The following DLGAP1 variants were observed in gnomAD, a reference collection of about 807,000 sequenced individuals.
The protein encoded by DLGAP1 is DLG associated protein 1, also known as disks large-associated protein 1.
Under a neutral mutation model 90.8 loss-of-function variants are expected in DLGAP1, and 11 were observed. That is an observed-to-expected ratio of 0.12 (90% CI 0.08 to 0.20). The LOEUF is 0.20. DLGAP1 is among the 10% of genes least tolerant of loss of function. The probability of loss-of-function intolerance (pLI) is 1.00; values close to 1 mark genes in which losing one functional copy is unlikely to be tolerated. For missense variants in DLGAP1, 1,050 were observed against 1,333.8 expected, an observed-to-expected ratio of 0.79 and a Z score of 3.31; for synonymous variants, 558 against 540.7, an observed-to-expected ratio of 1.03 and a Z score of -0.44.
At chr18:4,249,126 C>G (rs1204347260) in intron 1 of DLGAP1, among the ~76,000 whole-genome samples, 1 of 152,176 alleles carries the variant, frequency 6.6e-6, no homozygotes, top group Non-Finnish European at 1.5e-5. Context: ...CTCCATTGTA[C>G]TCCTCACCAT....
intron 1 of DLGAP1, among the ~76,000 whole-genome samples, chr18:4,160,526 T>G (rs534825369): frequency 8.5e-5 from 13 of 152,220 alleles, no homozygotes; most frequent in African/African-American, 1.2e-4. Context: ...AAATTCACAA[T>G]AAGCCTAATG....
At chr18:4,194,090 G>A (rs73371051) in intron 1 of DLGAP1, among the ~76,000 whole-genome samples, 8,646 of 152,040 alleles carry the variant, frequency 0.057, 588 homozygotes, top group East Asian at 0.2. Context: ...GAGGTTTGGG[G>A]TACAATTAAT....
chr18:4,363,136 T>C (rs1037757755), intron 1 of DLGAP1, among the ~76,000 whole-genome samples: 1 of 152,160 alleles, frequency 6.6e-6, no homozygotes, highest in African/African-American at 2.4e-5. Flanking sequence ...GTGGCCTTGA[T>C]AAGCTCCCCA....
chr18:3,509,699 C>G (rs535578345), intron 10 of DLGAP1, among the ~76,000 whole-genome samples: 1 of 152,150 alleles, frequency 6.6e-6, no homozygotes, highest in Non-Finnish European at 1.5e-5. Flanking sequence ...GCCAGGTACC[C>G]GAGTGGAATA....
intron 3 of DLGAP1, among the ~76,000 whole-genome samples, chr18:3,880,944 G>GAA (rs1173817359): frequency 0.011 from 432 of 38,334 alleles, 16 homozygotes; most frequent in African/African-American, 0.028. Flanking sequence ...CTCCATCTCA[G>GAA]AAAAAAAAAA....
chr18:3,616,329 T>C (rs1447635506), intron 7 of DLGAP1, among the ~76,000 whole-genome samples: 9 of 152,180 alleles, frequency 5.9e-5, no homozygotes, highest in African/African-American at 2.2e-4. Context: ...ACTCTATCAC[T>C]GTGGCACAGC....
At chr18:3,825,731 G>T (rs2067675915) in intron 4 of DLGAP1, among the ~76,000 whole-genome samples, 1 of 152,036 alleles carries the variant, frequency 6.6e-6, no homozygotes, top group African/African-American at 2.4e-5. Context: ...GTTCCTCAAA[G>T]AACTAAAAAT....
intron 1 of DLGAP1, among the ~76,000 whole-genome samples, chr18:4,188,623 T>C (rs2077340986): frequency 6.6e-6 from 1 of 152,188 alleles, no homozygotes; most frequent in Admixed American, 6.5e-5. Flanking sequence ...GCTTCATCCA[T>C]GTCCCCGCAA....
chr18:4,348,225 A>G (rs1046297907), intron 1 of DLGAP1, among the ~76,000 whole-genome samples: 1 of 152,152 alleles, frequency 6.6e-6, no homozygotes, highest in East Asian at 1.9e-4. Flanking sequence ...AGATTAAGCA[A>G]ATAATTAAAT....
chr18:3,772,352 CTTTCTTTCTTTCTTTCTT>C (rs1568108733), intron 5 of DLGAP1, among the ~76,000 whole-genome samples: 149 of 11,258 alleles, frequency 0.013, 7 homozygotes, highest in South Asian at 0.049. Flanking sequence ...CTCTCTCTTT[CTTTCTTTCTTTCTTTCTT>C]TCTTTCTTTC....
intron 1 of DLGAP1, among the ~76,000 whole-genome samples, chr18:4,299,346 TAA>T (rs1367053547): frequency 6.6e-6 from 1 of 152,188 alleles, no homozygotes; most frequent in Admixed American, 6.5e-5. Context: ...CTAAAAGAAT[TAA>T]GATTTCTTTG....
intron 1 of DLGAP1, among the ~76,000 whole-genome samples, chr18:4,179,103 A>C (rs528750238): frequency 6.6e-6 from 1 of 152,302 alleles, no homozygotes; most frequent in East Asian, 1.9e-4. Flanking sequence ...AGGACAACAA[A>C]GCAGAGATTA....
chr18:3,742,156 G>A (rs1250440891), intron 6 of DLGAP1, among the ~76,000 whole-genome samples, 179 bp downstream of exon 6: 6 of 152,208 alleles, frequency 3.9e-5, no homozygotes, highest in Middle Eastern at 3.4e-3. Context: ...CATTGATACC[G>A]GGGGCTTACT....
chr18:3,502,489 C>A lies in DLGAP1; in HGVS notation c.2724+4G>T. On this transcript the variant is annotated splice_donor_region_variant and intron_variant, in intron 12 of 12. Transcript: ENST00000315677. ...TGAACCATACAAAATCTACATTGTT[C>A]TACCTTCTTGTCAAGAGGATCCATC... is the stretch of plus-strand genomic sequence containing the variant. 6.2e-7 allele frequency: 1 copy of A among 1,614,096 alleles called. No individual in the cohort carries two copies. The highest frequency in any genetic ancestry group is 8.5e-7 in the Non-Finnish European group (1 of 1,180,010).
At chr18:3,713,985 C>T (rs1350364178) in intron 7 of DLGAP1, among the ~76,000 whole-genome samples, 1 of 152,156 alleles carries the variant, frequency 6.6e-6, no homozygotes, top group Middle Eastern at 3.2e-3. Flanking sequence ...ACAGCATCGT[C>T]CGAGGATGTG....
At chr18:4,399,055 C>T (rs1354948094) in intron 1 of DLGAP1, among the ~76,000 whole-genome samples, 2 of 152,204 alleles carry the variant, frequency 1.3e-5, no homozygotes, top group Non-Finnish European at 2.9e-5. Context: ...TGGTCACGAT[C>T]TCCTGACCTT....
chr18:4,415,255 A>G (rs1018878491), intron 1 of DLGAP1, among the ~76,000 whole-genome samples: 4 of 152,190 alleles, frequency 2.6e-5, no homozygotes, highest in Admixed American at 6.5e-5. Context: ...GTAATCCACA[A>G]TTGAAAAATG....
At chr18:3,735,659 A>G (rs1392753783) in intron 6 of DLGAP1, among the ~76,000 whole-genome samples, 1 of 152,220 alleles carries the variant, frequency 6.6e-6, no homozygotes, top group East Asian at 1.9e-4. Context: ...GAGATTCATA[A>G]ATTAAAAAAT....
chr18:4,275,617 C>T (rs2079394277), intron 1 of DLGAP1, among the ~76,000 whole-genome samples: 2 of 149,740 alleles, frequency 1.3e-5, no homozygotes, highest in Non-Finnish European at 1.5e-5. Flanking sequence ...TTTTCTCTCG[C>T]TAGAATATCA....
Sources: gnomAD v4.1 joint callset for allele counts (sites outside exome capture counted in the v4.1 genomes callset) on GRCh38, gnomAD v4.1.1 for gene constraint, MANE v1.5 for transcripts, NCBI Gene and HGNC (gene_info 2026-07-23, HGNC 2026-07-21) for gene names.